Variants in CEP43 observed in about 807,000 individuals in gnomAD.
CEP43 encodes the protein centrosomal protein 43.
A neutral mutation model predicts 52.6 loss-of-function variants in CEP43; 36 were observed. The observed-to-expected ratio is 0.68, with a 90% CI of 0.52 to 0.90. CEP43 has a LOEUF of 0.90. Among genes scored for constraint, CEP43 ranks in the 40% least tolerant of loss-of-function variants. The probability of loss-of-function intolerance (pLI) is 0.00; values close to 1 mark genes in which losing one functional copy is unlikely to be tolerated. For synonymous variants in CEP43, 192 were observed against 172.4 expected (o/e 1.11, Z -0.89); for missense variants, 506 against 472.8 (o/e 1.07, Z -0.65).
In CEP43 at chr6:167,041,844, G is replaced by GCGCC; in HGVS notation, c.*1866_*1867insCGCC. On this transcript the variant is annotated 3_prime_UTR_variant, in exon 13 of 13. Coordinates refer to ENST00000366847, the MANE Select transcript of CEP43 (RefSeq NM_007045.4). The stretch of plus-strand genomic sequence containing the variant: ...TCTTTTTTTTGCGGGGGGCGGGGGG[G>GCGCC]ACAGAGTCTCACTGTGTCACTCAGA... The GCGCC allele has an allele frequency of 1.4e-5, 2 of 144,930 alleles. No homozygotes were observed. The highest frequency in any genetic ancestry group is 2.5e-5 in the Non-Finnish European group (2 of 80,400). The allele number at this position is 144,930 out of a possible 1,614,324, so 9.0% of individuals were successfully genotyped here.
At chr6:167,000,626 TCAA>T (rs1185226357) in intron 2 of CEP43, among the ~76,000 whole-genome samples, 1 of 152,262 alleles carries the variant, frequency 6.6e-6, no homozygotes, top group Non-Finnish European at 1.5e-5. Flanking sequence ...CTGGAATTTG[TCAA>T]CAAGAATAGA....
At chr6:167,023,100 G>T (rs992385279) in intron 8 of CEP43, among the ~76,000 whole-genome samples, 2 of 152,210 alleles carry the variant, frequency 1.3e-5, no homozygotes, top group African/African-American at 4.8e-5. Context: ...GCTAGAGGAG[G>T]TAAGGGAGTT....
At chr6:167,034,421 C>T (rs1780540781) in intron 12 of CEP43, among the ~76,000 whole-genome samples, 1 of 152,200 alleles carries the variant, frequency 6.6e-6, no homozygotes, top group Non-Finnish European at 1.5e-5. Context: ...GGAGACAAGA[C>T]AGTAGGCCAT....
At chr6:167,008,734 A>C (rs1472558712) in intron 5 of CEP43, among the ~76,000 whole-genome samples, 2 of 151,366 alleles carry the variant, frequency 1.3e-5, no homozygotes, top group African/African-American at 4.8e-5. Context: ...TTGGCCTCCC[A>C]AATTGCTGGG....
intron 5 of CEP43, among the ~76,000 whole-genome samples, chr6:167,008,341 G>T (rs759244039): frequency 9.9e-5 from 15 of 151,930 alleles, no homozygotes; most frequent in Non-Finnish European, 2.2e-4. Context: ...ACTGGAAACT[G>T]CATGTAACTT....
Position 167,047,858 on chromosome 6 carries a change from G to T in CEP43, c.*7880G>T, listed in dbSNP as rs373577111. 6.6e-6 allele frequency: 1 copy of T among 152,222 alleles called. No homozygotes were observed. Among genetic ancestry groups the T allele is most frequent in the East Asian group, 1.9e-4 (1 of 5,184 alleles). 9.4% of individuals were successfully genotyped at this position (152,222 alleles called of 1,614,324 possible). A position where few individuals can be genotyped will look rare whatever the true frequency, so the allele number is the denominator to read the frequency against. ...CCACTACCACTCAGAGGAACCTCAC[G>T]GTGGATGCCGTAAGTGTTTACACTG... On this transcript the variant is annotated 3_prime_UTR_variant, in exon 13 of 13. Transcript: ENST00000366847.
At chr6:167,012,925 T>A (rs1004990260) in intron 6 of CEP43, among the ~76,000 whole-genome samples, 12 of 152,230 alleles carry the variant, frequency 7.9e-5, no homozygotes, top group African/African-American at 2.9e-4. Flanking sequence ...ATAGTCCTTG[T>A]GTAGGGTTGC....
At chr6:167,012,343 G>GT (rs1562525685) in intron 6 of CEP43, among the ~76,000 whole-genome samples, 1 of 151,992 alleles carries the variant, frequency 6.6e-6, no homozygotes, top group African/African-American at 2.4e-5. Flanking sequence ...TTTCTAGTTG[G>GT]TGTAGGGAAG....
intron 10 of CEP43, among the ~76,000 whole-genome samples, chr6:167,030,851 C>T (rs1780453337): frequency 8.2e-6 from 1 of 121,382 alleles, no homozygotes; most frequent in African/African-American, 2.9e-5. Flanking sequence ...CTGTCTTCCC[C>T]CACCCCACCC....
intron 7 of CEP43, among the ~76,000 whole-genome samples, chr6:167,015,954 A>G (rs1038473690): frequency 6.6e-6 from 1 of 152,174 alleles, no homozygotes; most frequent in Non-Finnish European, 1.5e-5. Flanking sequence ...CATTTTAAAA[A>G]TGAATTAATA....
chr6:167,009,499 C>CAAAAAAAAAAAAA (rs139374939), intron 5 of CEP43, among the ~76,000 whole-genome samples: 1 of 44,126 alleles, frequency 2.3e-5, no homozygotes, highest in African/African-American at 1.1e-4. Context: ...GACTCTGTCT[C>CAAAAAAAAAAAAA]AAAAAAAAAA....
rs73033012 is a variant in CEP43, at chr6:167,040,195, A to G, written c.*217A>G. ...TGGAAGATTTAATATTCTTAATTTA[A>G]CTGTACATTTCTTTATGGAAATTGA... is the stretch of plus-strand genomic sequence containing the variant. On this transcript the variant is annotated 3_prime_UTR_variant, in exon 13 of 13. Transcript: ENST00000366847. 26,557 of 1,529,260 alleles carry G rather than the reference A, an allele frequency of 0.017. 388 individuals are homozygous for G. Among genetic ancestry groups the G allele is most frequent in the East Asian group, 0.076 (3,096 of 41,004 alleles). The allele number at this position is 1,529,260 out of a possible 1,614,324, so 94.7% of individuals were successfully genotyped here.
chr6:167,003,337 T>G (rs968225175), intron 3 of CEP43, 90 bp downstream of exon 3: 4 of 691,640 alleles, frequency 5.8e-6, no homozygotes, highest in Admixed American at 2.8e-5. Flanking sequence ...CAGGGCTTTT[T>G]TTTTGTCTTC....
chr6:167,003,863 GT>G, intron 4 of CEP43, 52 bp downstream of exon 4: 1 of 1,091,676 alleles, frequency 9.2e-7, no homozygotes, highest in Non-Finnish European at 1.4e-6. Flanking sequence ...ATACAAATGA[GT>G]TAATATTAAG....
At chr6:167,014,284 T>G (rs1780046632) in intron 7 of CEP43, among the ~76,000 whole-genome samples, 1 of 152,242 alleles carries the variant, frequency 6.6e-6, no homozygotes, top group African/African-American at 2.4e-5. Flanking sequence ...CTGTCATTTT[T>G]CAGACAATTG....
At chr6:167,018,537 C>G (rs899877349) in intron 7 of CEP43, among the ~76,000 whole-genome samples, 1 of 151,988 alleles carries the variant, frequency 6.6e-6, no homozygotes, top group Non-Finnish European at 1.5e-5. Context: ...ATTACAGGCA[C>G]GTGCCACCAC....
chr6:167,022,774 C>T (rs1780266261), intron 8 of CEP43, 139 bp downstream of exon 8: 2 of 648,334 alleles, frequency 3.1e-6, no homozygotes, highest in Non-Finnish European at 5.2e-6. Context: ...TTGTTAATGC[C>T]TTTCATGTTG....
chr6:167,026,207 A>G (rs1422371030), intron 9 of CEP43, among the ~76,000 whole-genome samples: 5 of 152,198 alleles, frequency 3.3e-5, no homozygotes, highest in Non-Finnish European at 7.3e-5. Flanking sequence ...TACTAAAAAT[A>G]CAAAAATTAG....
chr6:167,032,449 T>C (rs1042397439), intron 10 of CEP43, among the ~76,000 whole-genome samples, 154 bp from the exon 11 acceptor site: 1 of 152,256 alleles, frequency 6.6e-6, no homozygotes, highest in Admixed American at 6.5e-5. Context: ...ATTTGTCATT[T>C]GTCTTCATAT....
Sources: gnomAD v4.1 joint callset for allele counts (sites outside exome capture counted in the v4.1 genomes callset) on GRCh38, gnomAD v4.1.1 for gene constraint, MANE v1.5 for transcripts, NCBI Gene and HGNC (gene_info 2026-07-23, HGNC 2026-07-21) for gene names.